Variants in CD300LD observed in about 807,000 individuals in gnomAD.
CD300LD encodes CD300 molecule like family member d, also known as CMRF35-like molecule 5.
Under a neutral mutation model 20.3 loss-of-function variants are expected in CD300LD, and 18 were observed. That is an observed-to-expected ratio of 0.89 (90% CI 0.61 to 1.32). The LOEUF is 1.32. Ranked by LOEUF, CD300LD falls within the 40% of genes most tolerant of loss-of-function variation. The pLI is 0.00. For missense variants in CD300LD, 195 were observed against 226.6 expected, an observed-to-expected ratio of 0.86 and a Z score of 0.90; for synonymous variants, 104 against 90.1, an observed-to-expected ratio of 1.15 and a Z score of -0.87.
intron 3 of CD300LD, among the ~76,000 whole-genome samples, chr17:74,581,079 G>A (rs140398149): frequency 4.8e-4 from 73 of 151,888 alleles, no homozygotes; most frequent in African/African-American, 1.7e-3. Context: ...CACTCTTGGG[G>A]CTCTCCTGCT....
At chr17:74,584,076 A>C (rs2030098951) in intron 2 of CD300LD, among the ~76,000 whole-genome samples, 1 of 152,192 alleles carries the variant, frequency 6.6e-6, no homozygotes. Flanking sequence ...TTTTTAAAAA[A>C]ATCCACTCAC....
chr17:74,585,674 AT>A (rs1454741515), intron 2 of CD300LD, among the ~76,000 whole-genome samples: 1 of 152,242 alleles, frequency 6.6e-6, no homozygotes, highest in Non-Finnish European at 1.5e-5. Flanking sequence ...AGTGTAGTTA[AT>A]AATGGAGTAC....
intron 1 of CD300LD, 85 bp from the exon 2 acceptor site, chr17:74,588,934 C>A: frequency 1.1e-6 from 1 of 890,778 alleles, no homozygotes; most frequent in Non-Finnish European, 1.8e-6. Context: ...CAGCCAAATC[C>A]AACTGCCTTA....
rs139741461 is a variant in CD300LD at position 74,592,123 on chromosome 17, C to T, written c.40+40G>A. On this transcript the variant is annotated intron_variant, in intron 1 of 3. Transcript: ENST00000375352. ...AGAGCGTCTCTGTCTCCAAGCCAGC[C>T]GCTGTCATTCCAGTGCCTTAAAGCT... 6.7e-5 allele frequency: 108 copies of T among 1,614,150 alleles called. No homozygotes were observed. The African/African-American group carries it at 8.9e-4, about 13-fold the overall frequency.
chr17:74,581,705 C>A (rs2030040289), intron 3 of CD300LD, among the ~76,000 whole-genome samples: 1 of 152,236 alleles, frequency 6.6e-6, no homozygotes, highest in South Asian at 2.1e-4. Flanking sequence ...AAAGGCCAAA[C>A]CTCGATATGC....
intron 2 of CD300LD, among the ~76,000 whole-genome samples, chr17:74,583,854 G>A (rs1485887602): frequency 6.7e-6 from 1 of 148,634 alleles, no homozygotes; most frequent in South Asian, 2.1e-4. Context: ...CCAGGTTCAA[G>A]CAATTCTCTG....
At chr17:74,591,258 A>AT (rs1568024808) in intron 1 of CD300LD, among the ~76,000 whole-genome samples, 43 of 98,500 alleles carry the variant, frequency 4.4e-4, no homozygotes, top group South Asian at 6.9e-4. Context: ...TACAAAAAAA[A>AT]AAAAAATAAA....
At chr17:74,584,428 C>T (rs184635595) in intron 2 of CD300LD, among the ~76,000 whole-genome samples, 100 of 152,174 alleles carry the variant, frequency 6.6e-4, no homozygotes, top group South Asian at 2.3e-3. Context: ...GCTATATGAG[C>T]GAACAGAAAA....
At position 74,588,773 on chromosome 17, in the gene CD300LD, A is replaced by T; in HGVS notation, c.117T>A (p.Cys39Ter). Residue 39 changes from cysteine (C) to a stop codon, truncating the protein, a stop_gained, in exon 2 of 4, where the codon TGT (cysteine) becomes TGA (stop). Coordinates refer to ENST00000375352, the MANE Select transcript of CD300LD (RefSeq NM_001115152.2). LOFTEE classifies it high-confidence loss of function. ...AGGTCTCCCAGCCTGAGCCATAAGCACACTGCACAGTCAATGAGCCCTGCT... is the reference window on the plus strand; with the variant it reads ...AGGTCTCCCAGCCTGAGCCATAAGCTCACTGCACAGTCAATGAGCCCTGCT... ...GSEQGSLTVQCAYGSGWETYL... is the reference protein window; with the variant it reads ...GSEQGSLTVQ The T allele has an allele frequency of 6.2e-7, 1 of 1,614,206 alleles. No individual in the cohort carries two copies. Among genetic ancestry groups the T allele is most frequent in the East Asian group, 2.2e-5 (1 of 44,882 alleles).
chr17:74,590,392 A>G (rs910824320), intron 1 of CD300LD: 11 of 152,144 alleles, frequency 7.2e-5, no homozygotes, highest in African/African-American at 1.4e-4. Context: ...TTCGTTTTCT[A>G]TAAGTGGGAA....
intron 2 of CD300LD, among the ~76,000 whole-genome samples, chr17:74,586,589 A>G (rs1352281648): frequency 3.3e-5 from 5 of 152,142 alleles, no homozygotes; most frequent in Non-Finnish European, 7.4e-5. Context: ...GCCCCATCTC[A>G]GGGATAGGTT....
At position 74,585,887 on chromosome 17, in the gene CD300LD, T is replaced by G. The variant is rs1598129804; in HGVS notation, c.379+2624A>C. Among the ~76,000 whole-genome samples the G allele has an allele frequency of 2.6e-5, 4 of 152,276 alleles. No homozygotes were observed. The South Asian group carries it at 8.3e-4, about 32-fold the overall frequency. Reference sequence around the variant, plus strand: ...GGAGACATTACAGAGGATATGCTGTTAGGTAATCGTCCTTATTCAGACCTG... The same window carrying G: ...GGAGACATTACAGAGGATATGCTGTGAGGTAATCGTCCTTATTCAGACCTG... On this transcript the variant is annotated intron_variant, in intron 2 of 3. Transcript: ENST00000375352.
At chr17:74,589,856 G>T (rs903862816) in intron 1 of CD300LD, among the ~76,000 whole-genome samples, 2 of 152,184 alleles carry the variant, frequency 1.3e-5, no homozygotes, top group African/African-American at 4.8e-5. Context: ...GAAGCCCTGG[G>T]GGCAATTCCT....
At position 74,579,750 on chromosome 17, in the gene CD300LD, T is replaced by C. The variant is rs887918064; in HGVS notation, c.*252A>G. ...AAATTTAAAAATTAGCTGGGGGTGG[T>C]GGCATGTGCCTGTAGCCCCAGCTAC... On this transcript the variant is annotated 3_prime_UTR_variant, in exon 4 of 4. Transcript: ENST00000375352. 2.4e-5 allele frequency: 6 copies of C among 249,506 alleles called. No homozygotes were observed. Among genetic ancestry groups the C allele is most frequent in the African/African-American group, 6.7e-5 (3 of 44,578 alleles). 15.5% of individuals were successfully genotyped at this position (249,506 alleles called of 1,614,324 possible).
At chr17:74,581,191 C>T (rs560336619) in intron 3 of CD300LD, among the ~76,000 whole-genome samples, 3 of 151,774 alleles carry the variant, frequency 2.0e-5, no homozygotes, top group African/African-American at 4.8e-5. Context: ...AAAAAACAGT[C>T]GAGGAGTCCT....
At chr17:74,580,228 C>A in intron 3 of CD300LD, 115 bp from the exon 4 acceptor site, 1 of 714,584 alleles carries the variant, frequency 1.4e-6, no homozygotes, top group Non-Finnish European at 2.4e-6. Context: ...AAGCCTGGAA[C>A]CCCAGACAGG....
At chr17:74,578,662 C>A (rs945009572), downstream of CD300LD, among the ~76,000 whole-genome samples, 4 of 152,164 alleles carry the variant, frequency 2.6e-5, no homozygotes, top group African/African-American at 9.7e-5. Flanking sequence ...TGAGCCACTG[C>A]GCCCAGCATT....
chr17:74,583,836 A>G (rs953203380), intron 2 of CD300LD, among the ~76,000 whole-genome samples: 2 of 142,676 alleles, frequency 1.4e-5, no homozygotes, highest in African/African-American at 2.6e-5. Flanking sequence ...CACTGCAACC[A>G]CTGCCTCCCA....
In CD300LD at chr17:74,592,167, G is replaced by A. The variant is rs116215149; in HGVS notation, c.36C>T (p.Leu12=). The A allele has an allele frequency of 7.5e-4, 1,216 of 1,614,178 alleles. 8 individuals are homozygous for A. The African/African-American group carries it at 0.015, about 20-fold the overall frequency. Residue 12 remains leucine, a synonymous_variant, in exon 1 of 4, where the codon CTC becomes CTT. Transcript: ENST00000375352. ...WLSPSLLLLI[L]PGYSIAAKIT... is the part of the protein sequence containing the mutation. ...TAAAGCTCCAGCCACACTCACCTGG[G>A]AGGATGAGAAGCAGCAGAGATGGGG...
Sources: allele counts gnomAD v4.1 joint callset (sites outside exome capture counted in the v4.1 genomes callset), GRCh38; gene constraint gnomAD v4.1.1; transcripts MANE v1.5; gene names NCBI Gene and HGNC (gene_info 2026-07-23, HGNC 2026-07-21).